Variants in COMMD6 observed in about 807,000 individuals in gnomAD.
The protein encoded by COMMD6 is COMM domain-containing protein 6.
Under a neutral mutation model 13.4 loss-of-function variants are expected in COMMD6, and 11 were observed. The observed-to-expected ratio is 0.82, with a 90% CI of 0.52 to 1.36. COMMD6 has a LOEUF of 1.36. Among genes scored for constraint, COMMD6 ranks in the 40% most tolerant of loss-of-function variants. The pLI, the probability that COMMD6 is intolerant of heterozygous loss-of-function variation, is 0.00. For missense variants in COMMD6, 124 were observed against 102.4 expected (o/e 1.21, Z -0.91); for synonymous variants, 43 against 36.5 (o/e 1.18, Z -0.64).
At chr13:75,542,969 T>G (rs2030849570), upstream of COMMD6, among the ~76,000 whole-genome samples, 2 of 152,130 alleles carry the variant, frequency 1.3e-5, no homozygotes. Context: ...ATAAAGAAAA[T>G]GTACATATAC....
upstream of COMMD6, among the ~76,000 whole-genome samples, chr13:75,539,826 G>T (rs1185153046): frequency 6.6e-6 from 1 of 152,156 alleles, no homozygotes; most frequent in Admixed American, 6.5e-5. Flanking sequence ...AAGGTTATTG[G>T]ACGTGATTAA....
At chr13:75,538,826 T>C (rs538861928), upstream of COMMD6, 7 of 152,142 alleles carry the variant, frequency 4.6e-5, no homozygotes, top group Admixed American at 3.9e-4. Flanking sequence ...TCCTCTAATC[T>C]AGAACTGCAC....
At chr13:75,540,764 G>C (rs752840342), upstream of COMMD6, among the ~76,000 whole-genome samples, 14 of 152,134 alleles carry the variant, frequency 9.2e-5, no homozygotes, top group Non-Finnish European at 1.9e-4. Flanking sequence ...CATATAAGTA[G>C]AACATATGTC....
rs2138405309 is a variant in COMMD6 at position 75,525,772 on chromosome 13, GA to G, written c.*816del. The G allele has an allele frequency of 6.6e-6, 1 of 152,372 alleles. No individual in the cohort carries two copies. The highest frequency in any genetic ancestry group is 2.4e-5 in the African/African-American group (1 of 41,592). The allele number at this position is 152,372 out of a possible 1,614,324, so 9.4% of individuals were successfully genotyped here. ...TTTAAATTTCTAATATGGCGGACCA[GA>G]ATGTCTTGATCTATTTCTAGGCCAT... On this transcript the variant is annotated 3_prime_UTR_variant, in exon 4 of 4. Transcript: ENST00000682242.
At chr13:75,549,397 C>CCG (rs1047943546) in exon 1 of COMMD6, 1 of 192,578 alleles carries the variant, frequency 5.2e-6, no homozygotes, top group Non-Finnish European at 1.1e-5. Flanking sequence ...GAATAGGACT[C>CCG]CGCGGCACGC....
intron 2 of COMMD6, among the ~76,000 whole-genome samples, chr13:75,536,276 T>C (rs949401700): frequency 2.0e-5 from 3 of 152,250 alleles, no homozygotes; most frequent in Admixed American, 2.0e-4. Flanking sequence ...TTGCTGACTC[T>C]CACATTAATT....
chr13:75,545,147 TG>T (rs1028209658), intron 1 of COMMD6, among the ~76,000 whole-genome samples: 1 of 152,220 alleles, frequency 6.6e-6, no homozygotes, highest in Non-Finnish European at 1.5e-5. Context: ...AGGCAGATGA[TG>T]GGTACAAACC....
upstream of COMMD6, among the ~76,000 whole-genome samples, chr13:75,541,434 T>C (rs892573607): frequency 6.6e-6 from 1 of 151,938 alleles, no homozygotes; most frequent in African/African-American, 2.4e-5. Flanking sequence ...GTAGTGTGTA[T>C]ATATAGACAT....
intron 3 of COMMD6, chr13:75,527,833 A>G: frequency 6.6e-7 from 1 of 1,512,772 alleles, no homozygotes; most frequent in Middle Eastern, 1.8e-4. Context: ...AGGAGACTGG[A>G]GGTTGCCAGG....
At chr13:75,537,369 C>T (rs2030705169) in intron 2 of COMMD6, 1 of 1,550,776 alleles carries the variant, frequency 6.4e-7, no homozygotes. Flanking sequence ...CTTTATCCAA[C>T]ACTTTAAAAT....
chr13:75,535,431 A>C (rs1254156848), intron 2 of COMMD6, among the ~76,000 whole-genome samples: 1 of 152,266 alleles, frequency 6.6e-6, no homozygotes, highest in Non-Finnish European at 1.5e-5. Context: ...GGAAGTTGGA[A>C]GACCCTGTTA....
chr13:75,543,853 A>G (rs933564046), intron 1 of COMMD6, among the ~76,000 whole-genome samples: 3 of 152,230 alleles, frequency 2.0e-5, no homozygotes, highest in African/African-American at 7.2e-5. Context: ...GGTTATGTAG[A>G]TCATACATTA....
At position 75,526,545 on chromosome 13, in the gene COMMD6, A is replaced by G. The variant is rs771499764; in HGVS notation, c.*44T>C. ...AGTTTTGTTGCCGAAAGTGAAGTCC[A>G]TGACTTTAGAATGATAGCAATTTAT... On this transcript the variant is annotated 3_prime_UTR_variant, in exon 4 of 4. Transcript: ENST00000682242. The G allele has an allele frequency of 1.4e-6, 2 of 1,392,602 alleles. No individual in the cohort carries two copies. Among genetic ancestry groups the G allele is most frequent in the Admixed American group, 1.9e-5 (1 of 52,594 alleles). 86.3% of individuals were successfully genotyped at this position (1,392,602 alleles called of 1,614,324 possible). A position where few individuals can be genotyped will look rare whatever the true frequency, so the allele number is the denominator to read the frequency against.
At chr13:75,528,045 A>T (rs1184355616) in intron 3 of COMMD6, among the ~76,000 whole-genome samples, 1 of 144,008 alleles carries the variant, frequency 6.9e-6, no homozygotes, top group East Asian at 2.0e-4. Flanking sequence ...ACATGCACAC[A>T]CTCTCTCCAA....
At chr13:75,536,753 G>A (rs2030676170) in intron 2 of COMMD6, among the ~76,000 whole-genome samples, 1 of 152,106 alleles carries the variant, frequency 6.6e-6, no homozygotes, top group South Asian at 2.1e-4. Context: ...AGAACTATAA[G>A]ATAATAAATT....
At chr13:75,535,098 C>T (rs928984815) in intron 2 of COMMD6, among the ~76,000 whole-genome samples, 3 of 152,118 alleles carry the variant, frequency 2.0e-5, no homozygotes, top group Non-Finnish European at 4.4e-5. Context: ...CTCTTTCATG[C>T]GGCTTTTGAA....
intron 2 of COMMD6, among the ~76,000 whole-genome samples, chr13:75,533,275 T>C (rs1566198337): frequency 2.0e-5 from 3 of 151,848 alleles, no homozygotes; most frequent in Non-Finnish European, 4.4e-5. Flanking sequence ...TATTGATTAA[T>C]GGATATTCAG....
chr13:75,545,473 CT>C (rs796566506), intron 1 of COMMD6, among the ~76,000 whole-genome samples: 65 of 146,786 alleles, frequency 4.4e-4, no homozygotes, highest in Admixed American at 3.4e-4. Flanking sequence ...TTCTTTTTCT[CT>C]TTTTTTTTTT....
chr13:75,529,998 C>G, intron 3 of COMMD6, 116 bp downstream of exon 3: 1 of 751,648 alleles, frequency 1.3e-6, no homozygotes, highest in Non-Finnish European at 2.2e-6. Context: ...AAACGTAAAG[C>G]ATATCAATCT....
Sources: allele counts gnomAD v4.1 joint callset (sites outside exome capture counted in the v4.1 genomes callset), GRCh38; gene constraint gnomAD v4.1.1; transcripts MANE v1.5; gene names NCBI Gene and HGNC (gene_info 2026-07-23, HGNC 2026-07-21).